TRPA1: variants seen among roughly 807,000 people sequenced by gnomAD.
TRPA1 encodes the protein ankyrin-like with transmembrane domains 1.
In TRPA1, 129 loss-of-function variants were observed where a neutral mutation model predicts 131.3. That is an observed-to-expected ratio of 0.98 (90% confidence interval 0.85 to 1.14). The LOEUF is 1.14. TRPA1 is among the 50% of genes most tolerant of loss of function. The pLI is 0.00. For missense variants in TRPA1, 1,304 were observed against 1,354.2 expected (o/e 0.96, Z 0.58); for synonymous variants, 441 against 451.7 (o/e 0.98, Z 0.30).
chr8:72,026,201 C>G lies in TRPA1; in HGVS notation c.2938-128G>C. On this transcript the variant is annotated intron_variant, in intron 24 of 26. Coordinates refer to ENST00000262209, the MANE Select transcript of TRPA1 (RefSeq NM_007332.3). ...CTATGTCCTGACTTCTGTGCCACAG[C>G]TGGGCTGGCCAGGCTTTCTTATCCC... 4.0e-6 allele frequency: 3 copies of G among 743,416 alleles called. No homozygotes were observed. In the Admixed American group the frequency reaches 6.3e-5, roughly 16 times the overall value. The allele number at this position is 743,416 out of a possible 1,614,324, so 46.1% of individuals were successfully genotyped here.
upstream of TRPA1, among the ~76,000 whole-genome samples, chr8:72,076,106 A>G (rs1207876189): frequency 6.6e-6 from 1 of 152,176 alleles, no homozygotes; most frequent in Non-Finnish European, 1.5e-5. Flanking sequence ...CGTTTGGGAC[A>G]ATAGCTACAT....
chr8:72,085,503 A>C, the TRPA1 span, among the ~76,000 whole-genome samples: 1 of 150,994 alleles, frequency 6.6e-6, no homozygotes, highest in African/African-American at 2.5e-5. Context: ...AATCAATATG[A>C]AATATATATT....
the TRPA1 span, among the ~76,000 whole-genome samples, chr8:72,088,822 C>G: frequency 6.6e-6 from 1 of 152,174 alleles, no homozygotes; most frequent in Non-Finnish European, 1.5e-5. Context: ...GCTCTTTCTA[C>G]TCCCCAGAAG....
At chr8:72,075,601 C>G, upstream of TRPA1, 1 of 602,534 alleles carries the variant, frequency 1.7e-6, no homozygotes, top group Non-Finnish European at 3.0e-6. Flanking sequence ...TTCTCAGGCC[C>G]GCGCTACTTT....
At chr8:72,037,862 ATGG>A in intron 20 of TRPA1, 118 bp downstream of exon 20, 1 of 694,478 alleles carries the variant, frequency 1.4e-6, no homozygotes, top group South Asian at 1.6e-5. Flanking sequence ...TCTAATCTAT[ATGG>A]TAGTCAAGCT....
intron 2 of TRPA1, among the ~76,000 whole-genome samples, chr8:72,070,987 T>C (rs913079622): frequency 1.3e-4 from 20 of 152,222 alleles, no homozygotes; most frequent in Non-Finnish European, 1.9e-4. Flanking sequence ...CTCCTAAATT[T>C]AAGAATTTCA....
chr8:72,054,041 A>G lies in TRPA1; in HGVS notation c.1530-174T>C, dbSNP rs566255419. On this transcript the variant is annotated intron_variant, in intron 12 of 26. Coordinates refer to ENST00000262209, the MANE Select transcript of TRPA1 (RefSeq NM_007332.3). The stretch of plus-strand genomic sequence containing the variant: ...AAATGAGCTAATTCCAAGCTCAATG[A>G]TCTTAAATGACCTATTTCTAATGTG... The G allele has an allele frequency of 5.1e-4, 314 of 618,116 alleles. 1 individual carries two copies. In the African/African-American group the frequency reaches 5.2e-3, roughly 10 times the overall value. 38.3% of individuals were successfully genotyped at this position (618,116 alleles called of 1,614,324 possible).
chr8:72,043,003 T>C (rs540401963), intron 17 of TRPA1, among the ~76,000 whole-genome samples: 1 of 152,034 alleles, frequency 6.6e-6, no homozygotes, highest in South Asian at 2.1e-4. Flanking sequence ...GTGAAAATAC[T>C]TGACACTACT....
intron 20 of TRPA1, among the ~76,000 whole-genome samples, 194 bp downstream of exon 20, chr8:72,037,789 T>C (rs1479850416): frequency 6.6e-6 from 1 of 152,074 alleles, no homozygotes; most frequent in Non-Finnish European, 1.5e-5. Context: ...ATATATCAAA[T>C]AGGCAGGGAC....
Position 72,063,533 on chromosome 8 carries a change from C to G in TRPA1, c.591G>C (p.Trp197Cys). Reference sequence around the variant, plus strand: ...CAGCTTGGTGAATAGGGAAACATCCCCATTTATTTGATTTACATGGCTTAG... The same window carrying G: ...CAGCTTGGTGAATAGGGAAACATCCGCATTTATTTGATTTACATGGCTTAG... ...KGAKPCKSNKWGCFPIHQAAF... is the reference protein window; with the variant it reads ...KGAKPCKSNKCGCFPIHQAAF... The change falls in exon 5 of 27, where the codon TGG becomes TGC. Residue 197 changes from tryptophan to cysteine, a missense_variant. Transcript: ENST00000262209. 1 of 1,613,748 alleles carries G rather than the reference C, an allele frequency of 6.2e-7. No individual in the cohort carries two copies. The highest frequency in any genetic ancestry group is 1.1e-5 in the South Asian group (1 of 91,076).
At chr8:72,062,720 C>T in intron 6 of TRPA1, 79 bp downstream of exon 6, 1 of 1,375,956 alleles carries the variant, frequency 7.3e-7, no homozygotes, top group South Asian at 1.2e-5. Context: ...TCTAAATTAA[C>T]TGTAAAAGAG....
intron 25 of TRPA1, among the ~76,000 whole-genome samples, chr8:72,025,104 T>C (rs200836618): frequency 2.4e-5 from 3 of 125,680 alleles, no homozygotes; most frequent in Non-Finnish European, 5.1e-5. Flanking sequence ...GTGTGTGTGT[T>C]CGTGTGTGTG....
At chr8:72,035,091 C>G (rs973056257) in intron 21 of TRPA1, among the ~76,000 whole-genome samples, 1 of 152,168 alleles carries the variant, frequency 6.6e-6, no homozygotes, top group Non-Finnish European at 1.5e-5. Context: ...TTCTTTTCTA[C>G]CCCCTGCATC....
chr8:72,029,947 A>G lies in TRPA1; in HGVS notation c.2891T>C (p.Ile964Thr). 6.2e-7 allele frequency: 1 copy of G among 1,613,970 alleles called. No individual in the cohort carries two copies. Among genetic ancestry groups the G allele is most frequent in the South Asian group, 1.1e-5 (1 of 91,076 alleles). ...TGATGCATGTTTCTGGACCTCAGCA[A>G]TGTCGCCAACTGCCAAACCAATCTG... ...NLLIGLAVGD[I>T]AEVQKHASLK... is the part of the protein sequence containing the mutation. Residue 964 changes from isoleucine (I) to threonine (T), a missense_variant, in exon 24 of 27, where the codon ATT becomes ACT. Transcript: ENST00000262209.
intron 6 of TRPA1, 69 bp downstream of exon 6, chr8:72,062,730 G>T: frequency 1.4e-6 from 2 of 1,447,206 alleles, no homozygotes; most frequent in Non-Finnish European, 1.9e-6. Flanking sequence ...CTGTAAAAGA[G>T]CTATAAAGCA....
At position 72,049,152 on chromosome 8, in the gene TRPA1, T is replaced by G. The variant is rs540329943; in HGVS notation, c.1905+1626A>C. On this transcript the variant is annotated intron_variant, in intron 15 of 26. Transcript: ENST00000262209. Reference sequence around the variant, plus strand: ...AAAATATTTGGTGCACAGGAAGTCCTTGTTCAATAAATAAAGAACAATAAG... The same window carrying G: ...AAAATATTTGGTGCACAGGAAGTCCGTGTTCAATAAATAAAGAACAATAAG... Among the ~76,000 whole-genome samples the G allele has an allele frequency of 9.9e-3, 917 of 92,180 alleles. 15 individuals are homozygous for G. The highest frequency in any genetic ancestry group is 0.035 in the African/African-American group (845 of 24,390). The allele number at this position is 92,180 out of a possible 152,430, so 60.5% of individuals were successfully genotyped here. A position where few individuals can be genotyped will look rare whatever the true frequency, so the allele number is the denominator to read the frequency against.
chr8:72,074,824 C>T (rs1398108581), intron 1 of TRPA1, among the ~76,000 whole-genome samples: 1 of 152,172 alleles, frequency 6.6e-6, no homozygotes, highest in Non-Finnish European at 1.5e-5. Context: ...CTGCAACGCT[C>T]TAAGTGCAGA....
chr8:72,076,816 G>A (rs959931208), upstream of TRPA1, among the ~76,000 whole-genome samples: 2 of 152,176 alleles, frequency 1.3e-5, no homozygotes, highest in African/African-American at 4.8e-5. Context: ...CACATCATGA[G>A]TCCATGAGTA....
At chr8:72,085,584 CTT>C in the TRPA1 span, among the ~76,000 whole-genome samples, 4 of 151,834 alleles carry the variant, frequency 2.6e-5, no homozygotes, top group Admixed American at 6.6e-5. Context: ...CCATCTTTCT[CTT>C]TGTTACTATT....
Sources: gnomAD v4.1 joint callset for allele counts (sites outside exome capture counted in the v4.1 genomes callset) on GRCh38, gnomAD v4.1.1 for gene constraint, MANE v1.5 for transcripts, NCBI Gene and HGNC (gene_info 2026-07-23, HGNC 2026-07-21) for gene names.